Variants in MPPED1 observed in about 807,000 individuals in gnomAD.
MPPED1 encodes metallophosphoesterase domain-containing protein 1.
A neutral mutation model predicts 36.2 loss-of-function variants in MPPED1; 16 were observed. That is an observed-to-expected ratio of 0.44 (90% CI 0.30 to 0.67). MPPED1 has a LOEUF of 0.67. MPPED1 is among the 30% of genes least tolerant of loss of function. The pLI, the probability that MPPED1 is intolerant of heterozygous loss-of-function variation, is 0.10. For missense variants in MPPED1, 307 were observed against 453.4 expected (o/e 0.68, Z 2.93); for synonymous variants, 199 against 191.3 (o/e 1.04, Z -0.33).
intron 1 of MPPED1, chr22:43,419,266 T>G (rs1298630337): frequency 6.6e-6 from 1 of 152,240 alleles, no homozygotes; most frequent in Non-Finnish European, 1.5e-5. Context: ...AAAAGCCGAC[T>G]GTGTGTTGGG....
Position 43,413,153 on chromosome 22 carries a change from C to T in MPPED1, c.-79+995C>T, listed in dbSNP as rs1028895531. On this transcript the variant is annotated intron_variant, in intron 1 of 6. Coordinates refer to ENST00000443721, the MANE Select transcript of MPPED1 (RefSeq NM_001044370.2). ...CCTCCCAGAGTTTCTTTGCCTTCCCCCTCCCCATTTCCCCTGCTCTATTGA... is the reference window on the plus strand; with the variant it reads ...CCTCCCAGAGTTTCTTTGCCTTCCCTCTCCCCATTTCCCCTGCTCTATTGA... Among the ~76,000 whole-genome samples, 3 of 152,190 alleles carry T rather than the reference C, an allele frequency of 2.0e-5. 1 individual carries two copies. The highest frequency in any genetic ancestry group is 7.2e-5 in the African/African-American group (3 of 41,440).
chr22:43,441,674 A>G (rs925741664), intron 3 of MPPED1, among the ~76,000 whole-genome samples: 1 of 152,236 alleles, frequency 6.6e-6, no homozygotes, highest in Non-Finnish European at 1.5e-5. Flanking sequence ...ATAACACGAT[A>G]TATGAGACAA....
At chr22:43,445,712 A>C (rs1288029406) in intron 3 of MPPED1, among the ~76,000 whole-genome samples, 4 of 151,672 alleles carry the variant, frequency 2.6e-5, no homozygotes, top group Non-Finnish European at 4.4e-5. Flanking sequence ...CTGGGACTAC[A>C]GGCATGCACC....
At chr22:43,449,677 G>C (rs948299204) in intron 3 of MPPED1, among the ~76,000 whole-genome samples, 3 of 152,156 alleles carry the variant, frequency 2.0e-5, no homozygotes, top group African/African-American at 7.2e-5. Context: ...GCATCAGGGG[G>C]ACATGGTTGA....
chr22:43,496,022 GTGA>G (rs1259918294), intron 4 of MPPED1, among the ~76,000 whole-genome samples: 14 of 99,398 alleles, frequency 1.4e-4, no homozygotes, highest in Non-Finnish European at 1.8e-4. Flanking sequence ...GGTGGAGGTG[GTGA>G]TGGTGGAGGT....
intron 3 of MPPED1, among the ~76,000 whole-genome samples, chr22:43,468,576 A>G (rs1163159243): frequency 7.9e-5 from 12 of 152,134 alleles, no homozygotes; most frequent in Admixed American, 6.5e-5. Context: ...CTGTCTCGCT[A>G]TGTAACCTTG....
Position 43,425,069 on chromosome 22 carries a change from C to T in MPPED1, c.84C>T (p.Ser28=). The part of the protein sequence containing the change: ...LLPCGLGMAF[S]QSHVMAARRH... ...CCTGCGGCCTGGGCATGGCATTCTC[C>T]CAGTCCCACGTGATGGCCGCTCGGC... The change falls in exon 2 of 7, where the codon TCC becomes TCT. Residue 28 remains serine (S), a synonymous_variant. Coordinates refer to ENST00000443721, the MANE Select transcript of MPPED1 (RefSeq NM_001044370.2). 2.5e-6 allele frequency: 4 copies of T among 1,613,598 alleles called. No individual in the cohort carries two copies. Among genetic ancestry groups the T allele is most frequent in the Non-Finnish European group, 3.4e-6 (4 of 1,179,842 alleles).
At chr22:43,458,004 C>T (rs554424915) in intron 3 of MPPED1, among the ~76,000 whole-genome samples, 1 of 152,256 alleles carries the variant, frequency 6.6e-6, no homozygotes, top group Admixed American at 6.5e-5. Context: ...CAAATACTTA[C>T]CATTGTGTTA....
At chr22:43,464,322 TG>T (rs1931086056) in intron 3 of MPPED1, among the ~76,000 whole-genome samples, 1 of 142,834 alleles carries the variant, frequency 7.0e-6, no homozygotes, top group Admixed American at 6.9e-5. Context: ...TGTGTGTGTG[TG>T]TGTGTGTGTG....
At position 43,412,123 on chromosome 22, in the gene MPPED1, A is replaced by G; in HGVS notation, c.-114A>G. The G allele has an allele frequency of 1.0e-6, 1 of 978,176 alleles. No individual in the cohort carries two copies. The highest frequency in any genetic ancestry group is 1.2e-6 in the Non-Finnish European group (1 of 827,240). 60.6% of individuals were successfully genotyped at this position (978,176 alleles called of 1,614,324 possible). A position where few individuals can be genotyped will look rare whatever the true frequency, so the allele number is the denominator to read the frequency against. ...TCCCTCGGTGCGCGCTGCTGCTCGCAGCCGCCGCGGCCGCCGAAGAGGAGC... is the reference window on the plus strand; with the variant it reads ...TCCCTCGGTGCGCGCTGCTGCTCGCGGCCGCCGCGGCCGCCGAAGAGGAGC... On this transcript the variant is annotated 5_prime_UTR_variant, in exon 1 of 7. Transcript: ENST00000443721.
At chr22:43,487,090 G>T (rs1349380888) in intron 4 of MPPED1, among the ~76,000 whole-genome samples, 1 of 151,992 alleles carries the variant, frequency 6.6e-6, no homozygotes, top group African/African-American at 2.4e-5. Flanking sequence ...TTCATTCTTC[G>T]TTCATTCATT....
chr22:43,500,371 G>GATGGAGGTGGTGGTGGA (rs1932683145), intron 5 of MPPED1, among the ~76,000 whole-genome samples: 1 of 119,542 alleles, frequency 8.4e-6, no homozygotes, highest in African/African-American at 3.5e-5. Context: ...GTGGTGATGG[G>GATGGAGGTGGTGGTGGA]GGTGGTGGTG....
Position 43,474,438 on chromosome 22 carries a change from G to A in MPPED1, c.407-298G>A, listed in dbSNP as rs550686236. On this transcript the variant is annotated intron_variant, in intron 3 of 6. Coordinates refer to ENST00000443721, the MANE Select transcript of MPPED1 (RefSeq NM_001044370.2). The surrounding 1 kb of genome is among the most constrained non-coding windows in gnomAD (Gnocchi z 5.2). ...TGATCTGATGAAGACACCTGTTGGG[G>A]GCCTGGCAGCAGGTACCCCTGTCAG... is the stretch of plus-strand genomic sequence containing the variant. Among the ~76,000 whole-genome samples, 16 of 152,342 alleles carry A rather than the reference G, an allele frequency of 1.1e-4. No individual in the cohort carries two copies. The highest frequency in any genetic ancestry group is 3.6e-4 in the African/African-American group (15 of 41,576).
At chr22:43,496,689 T>G (rs1470294638) in intron 4 of MPPED1, among the ~76,000 whole-genome samples, 1 of 98 alleles carries the variant, frequency 0.01, no homozygotes. Flanking sequence ...ATGGTGGTGG[T>G]GGTGGTGGTG....
At position 43,468,660 on chromosome 22, in the gene MPPED1, G is replaced by T. The variant is rs112811828; in HGVS notation, c.407-6076G>T. Among the ~76,000 whole-genome samples the T allele has an allele frequency of 4.6e-5, 7 of 152,286 alleles. 1 individual carries two copies. The highest frequency in any genetic ancestry group is 1.7e-4 in the African/African-American group (7 of 41,548). ...GCAGCATGGATTAGGAGAGCTACAG[G>T]CCTCTTGGTGGTGTCTGATTCATGA... On this transcript the variant is annotated intron_variant, in intron 3 of 6. Transcript: ENST00000443721.
chr22:43,486,931 G>C (rs531827857), intron 4 of MPPED1, among the ~76,000 whole-genome samples: 1 of 152,146 alleles, frequency 6.6e-6, no homozygotes, highest in Admixed American at 6.5e-5. Context: ...GAGAGTTCTC[G>C]TGACTGTTTT....
intron 3 of MPPED1, among the ~76,000 whole-genome samples, chr22:43,468,263 G>T (rs955238034): frequency 6.6e-6 from 1 of 152,228 alleles, no homozygotes; most frequent in African/African-American, 2.4e-5. Flanking sequence ...TTTTCATGGA[G>T]AATACAAATG....
intron 3 of MPPED1, among the ~76,000 whole-genome samples, chr22:43,445,315 C>A (rs1930296937): frequency 6.6e-6 from 1 of 152,176 alleles, no homozygotes; most frequent in Non-Finnish European, 1.5e-5. Context: ...TCTATCCCCC[C>A]CACCTCCGCC....
intron 3 of MPPED1, among the ~76,000 whole-genome samples, chr22:43,467,531 G>A (rs1391262235): frequency 6.6e-6 from 1 of 152,238 alleles, no homozygotes; most frequent in Non-Finnish European, 1.5e-5. Context: ...GTTGCACCAA[G>A]ACCCCACGGT....
Sources: gnomAD v4.1 joint callset for allele counts (sites outside exome capture counted in the v4.1 genomes callset) on GRCh38, gnomAD v4.1.1 for gene constraint, Gnocchi (gnomAD v3.1) non-coding constraint, MANE v1.5 for transcripts, NCBI Gene and HGNC (gene_info 2026-07-23, HGNC 2026-07-21) for gene names.